The following MOK variants were observed in gnomAD, a reference collection of about 807,000 sequenced individuals.
MOK encodes the protein MAPK/MAK/MRK overlapping kinase.
A neutral mutation model predicts 54.2 loss-of-function variants in MOK; 59 were observed. The ratio of observed to expected loss-of-function variants is 1.09; its 90% CI spans 0.88 to 1.35. The LOEUF (loss-of-function observed/expected upper bound fraction) is 1.35, where lower values mean the gene tolerates loss of function less well. MOK is among the 40% of genes most tolerant of loss of function. The pLI, the probability that MOK is intolerant of heterozygous loss-of-function variation, is 0.00. For synonymous variants in MOK, 210 were observed against 202.7 expected (o/e 1.04, Z -0.31); for missense variants, 517 against 526.2 (o/e 0.98, Z 0.17).
chr14:102,250,840 C>T lies in MOK; in HGVS notation c.562G>A (p.Ala188Thr), dbSNP rs912683364. The T allele has an allele frequency of 4.3e-6, 7 of 1,613,910 alleles. No homozygotes were observed. The highest frequency in any genetic ancestry group is 2.2e-5 in the East Asian group (1 of 44,840). ...FYTYKMDLWS[A>T]GCVFYEIASL... ...GCGATCTCGTAGAACACACAGCCGG[C>T]GCTCCACAGGTCCATCTTGTACGTG... Residue 188 changes from alanine to threonine, a missense_variant, in exon 7 of 12, where the codon GCC becomes ACC. Transcript: ENST00000361847.
intron 1 of MOK, among the ~76,000 whole-genome samples, chr14:102,294,567 A>G (rs2071228263): frequency 6.6e-6 from 1 of 152,048 alleles, no homozygotes; most frequent in Admixed American, 6.6e-5. Context: ...GTGAGCCATG[A>G]TGGTGCCACT....
At chr14:102,234,804 T>C (rs1209555609) in intron 7 of MOK, among the ~76,000 whole-genome samples, 2 of 152,258 alleles carry the variant, frequency 1.3e-5, no homozygotes, top group Admixed American at 6.5e-5. Flanking sequence ...GATTCCGACA[T>C]GCTCAGAGAC....
chr14:102,276,784 T>C (rs991733558), intron 2 of MOK, among the ~76,000 whole-genome samples: 20 of 133,616 alleles, frequency 1.5e-4, no homozygotes, highest in Non-Finnish European at 2.2e-4. Flanking sequence ...AGAGCGAAAC[T>C]CCGTCTCAAA....
chr14:102,269,535 T>C (rs987932318), intron 2 of MOK, among the ~76,000 whole-genome samples: 5 of 143,766 alleles, frequency 3.5e-5, no homozygotes, highest in Non-Finnish European at 7.5e-5. Flanking sequence ...TGCAGTGGAG[T>C]GATCTTGGCT....
At chr14:102,293,428 G>A (rs1284903860) in intron 1 of MOK, among the ~76,000 whole-genome samples, 1 of 152,180 alleles carries the variant, frequency 6.6e-6, no homozygotes, top group Non-Finnish European at 1.5e-5. Context: ...GCTGGGTGCG[G>A]TGGCTCACGC....
At chr14:102,261,290 A>G (rs968401659) in intron 4 of MOK, among the ~76,000 whole-genome samples, 3 of 137,916 alleles carry the variant, frequency 2.2e-5, no homozygotes, top group Non-Finnish European at 4.6e-5. Context: ...GTGGTAGCAC[A>G]TGCCTGTAGT....
downstream of MOK, among the ~76,000 whole-genome samples, chr14:102,221,287 C>T (rs768738203): frequency 1.4e-4 from 22 of 152,184 alleles, no homozygotes; most frequent in Non-Finnish European, 2.8e-4. This position sits in a 1 kb window ranked among gnomAD's most constrained non-coding sequence, Gnocchi z 4.8. Context: ...TTTCTGTTGC[C>T]GGGGGGAAGG....
chr14:102,229,288 G>A lies in MOK; in HGVS notation c.*1C>T, dbSNP rs753873053. 66 of 1,597,776 alleles carry A rather than the reference G, an allele frequency of 4.1e-5. 1 individual carries two copies. The highest frequency in any genetic ancestry group is 5.4e-5 in the Non-Finnish European group (63 of 1,170,948). On this transcript the variant is annotated 3_prime_UTR_variant, in exon 12 of 12. Transcript: ENST00000361847. ...GAAGTCGAGACGACGGTGCTGCTCAGTTATCTTCCGCCTTTCCGCACTATG... is the reference window on the plus strand; with the variant it reads ...GAAGTCGAGACGACGGTGCTGCTCAATTATCTTCCGCCTTTCCGCACTATG...
At chr14:102,299,666 G>A (rs1244956480) in intron 1 of MOK, among the ~76,000 whole-genome samples, 2 of 152,026 alleles carry the variant, frequency 1.3e-5, no homozygotes, top group African/African-American at 2.4e-5. Flanking sequence ...GCTCACTACA[G>A]CCTCAAACTC....
downstream of MOK, chr14:102,226,401 T>G: frequency 1.4e-6 from 1 of 703,050 alleles, no homozygotes; most frequent in Non-Finnish European, 2.6e-6. The surrounding 1 kb of genome is among the most constrained non-coding windows in gnomAD (Gnocchi z 4.8). Context: ...TCGCTTCCGT[T>G]CTGGGTTCTG....
chr14:102,283,197 C>T (rs932094423), intron 2 of MOK: 6 of 257,796 alleles, frequency 2.3e-5, no homozygotes, highest in Non-Finnish European at 3.6e-5. Context: ...AAATCCAACA[C>T]ATTTATAACT....
At chr14:102,278,599 T>C (rs2069106010) in intron 2 of MOK, 1 of 452,774 alleles carries the variant, frequency 2.2e-6, no homozygotes, top group Non-Finnish European at 4.4e-6. Flanking sequence ...TCAGGACCTA[T>C]ACAGACCTGG....
intron 2 of MOK, among the ~76,000 whole-genome samples, chr14:102,266,204 TATG>T (rs2067891296): frequency 6.6e-6 from 1 of 152,194 alleles, no homozygotes; most frequent in Non-Finnish European, 1.5e-5. Context: ...CATTAAAACT[TATG>T]ATTAATTAAT....
At chr14:102,265,236 G>A (rs2067798020) in intron 3 of MOK, among the ~76,000 whole-genome samples, 1 of 152,214 alleles carries the variant, frequency 6.6e-6, no homozygotes, top group Non-Finnish European at 1.5e-5. Context: ...TCACACTCAA[G>A]ACCTTAGCAG....
At chr14:102,302,983 G>T (rs2072410033) in intron 1 of MOK, among the ~76,000 whole-genome samples, 1 of 151,482 alleles carries the variant, frequency 6.6e-6, no homozygotes, top group African/African-American at 2.4e-5. Context: ...CCAACATGTT[G>T]AAACCCCGTC....
chr14:102,242,948 C>T (rs1339183818), intron 7 of MOK, among the ~76,000 whole-genome samples: 1 of 152,134 alleles, frequency 6.6e-6, no homozygotes, highest in African/African-American at 2.4e-5. Context: ...ACCCTGACAC[C>T]CATCAGGCTC....
intron 7 of MOK, among the ~76,000 whole-genome samples, chr14:102,239,622 G>A (rs1237839534): frequency 6.6e-6 from 1 of 152,158 alleles, no homozygotes; most frequent in Non-Finnish European, 1.5e-5. Context: ...TGTAATCCCA[G>A]TACAGTGGGA....
intron 2 of MOK, among the ~76,000 whole-genome samples, chr14:102,275,328 G>A (rs916094257): frequency 3.9e-5 from 6 of 152,224 alleles, no homozygotes; most frequent in African/African-American, 1.4e-4. Context: ...ACTTTGGGAG[G>A]CCGAGGTGGG....
chr14:102,297,647 G>A (rs571204234), intron 1 of MOK, among the ~76,000 whole-genome samples: 7 of 152,320 alleles, frequency 4.6e-5, no homozygotes, highest in African/African-American at 1.7e-4. Flanking sequence ...CTCAGCTTGC[G>A]GGGAGGTGTG....
Sources: gnomAD v4.1 joint callset for allele counts (sites outside exome capture counted in the v4.1 genomes callset) on GRCh38, gnomAD v4.1.1 for gene constraint, Gnocchi (gnomAD v3.1) non-coding constraint, MANE v1.5 for transcripts, NCBI Gene and HGNC (gene_info 2026-07-23, HGNC 2026-07-21) for gene names.